The following TMEM131 variants were observed in gnomAD, a reference collection of about 807,000 sequenced individuals.
The protein encoded by TMEM131 is 2610524E03Rik.
A neutral mutation model predicts 211.6 loss-of-function variants in TMEM131; 66 were observed. The observed-to-expected ratio is 0.31, with a 90% CI of 0.26 to 0.38. The LOEUF (loss-of-function observed/expected upper bound fraction) is 0.38. Ranked by LOEUF, TMEM131 falls within the 10% of genes least tolerant of loss-of-function variation. The pLI is 1.00. For synonymous variants in TMEM131, 844 were observed against 841.3 expected (o/e 1.00, Z -0.06); for missense variants, 2,036 against 2,299.3 (o/e 0.89, Z 2.34).
At chr2:97,874,706 C>CA (rs1323957951) in intron 4 of TMEM131, among the ~76,000 whole-genome samples, 1 of 152,198 alleles carries the variant, frequency 6.6e-6, no homozygotes, top group Non-Finnish European at 1.5e-5. Flanking sequence ...GCCTGCCTTA[C>CA]AAGAGCTCCT....
intron 2 of TMEM131, among the ~76,000 whole-genome samples, chr2:97,914,474 C>T (rs1054926603): frequency 9.9e-5 from 15 of 152,182 alleles, no homozygotes; most frequent in African/African-American, 2.9e-4. Context: ...AGTCAAGACA[C>T]AGAACAGTGT....
At chr2:97,799,441 C>T (rs1196671216) in intron 25 of TMEM131, among the ~76,000 whole-genome samples, 2 of 152,202 alleles carry the variant, frequency 1.3e-5, no homozygotes, top group Non-Finnish European at 2.9e-5. Flanking sequence ...TCTCATGGAA[C>T]ACCGTTTATG....
At chr2:97,930,249 C>T (rs891767472) in intron 1 of TMEM131, among the ~76,000 whole-genome samples, 17 of 151,716 alleles carry the variant, frequency 1.1e-4, no homozygotes, top group Non-Finnish European at 2.1e-4. Context: ...CAACTGGAAA[C>T]GAGCTATAGG....
chr2:97,764,922 T>TC (rs1679080757), intron 35 of TMEM131: 2 of 152,246 alleles, frequency 1.3e-5, no homozygotes, highest in African/African-American at 4.8e-5. Context: ...CCAACACGGC[T>TC]CATGTCACCT....
intron 3 of TMEM131, among the ~76,000 whole-genome samples, chr2:97,898,371 C>G (rs1675707209): frequency 6.6e-6 from 1 of 152,110 alleles, no homozygotes; most frequent in Non-Finnish European, 1.5e-5. Flanking sequence ...CCCGCTACCT[C>G]CAAAATTCAC....
intron 1 of TMEM131, among the ~76,000 whole-genome samples, chr2:97,979,113 A>C (rs886233549): frequency 6.6e-6 from 1 of 152,152 alleles, no homozygotes; most frequent in Admixed American, 6.5e-5. Context: ...ATTTTTTCCG[A>C]GCAGTAGGTC....
Position 97,812,657 on chromosome 2 carries a change from T to C in TMEM131, c.1710A>G (p.Ile570Met). ...TEASNILFAIINSNPIELAIK... is the reference protein window; with the variant it reads ...TEASNILFAIMNSNPIELAIK... The stretch of plus-strand genomic sequence containing the variant: ...TTTTTACCTCAATTGGATTGCTGTT[T>C]ATAATTGCAAATAAAATATTACTTG... Residue 570 changes from isoleucine (I) to methionine (M), a missense_variant, in exon 16 of 41, where the codon ATA becomes ATG. Ile to Met is a conservative substitution (Grantham distance 10). Coordinates refer to ENST00000186436, the MANE Select transcript of TMEM131 (RefSeq NM_015348.2). The C allele has an allele frequency of 6.3e-7, 1 of 1,594,084 alleles. No homozygotes were observed. Among genetic ancestry groups the C allele is most frequent in the Non-Finnish European group, 8.5e-7 (1 of 1,173,698 alleles).
intron 18 of TMEM131, 124 bp downstream of exon 18, chr2:97,811,004 T>C (rs1681524175): frequency 2.8e-6 from 2 of 721,076 alleles, no homozygotes; most frequent in South Asian, 3.5e-5. Flanking sequence ...AAGCTCAGTT[T>C]TTAAGGTATG....
At chr2:97,858,112 T>G (rs1196992321) in intron 5 of TMEM131, among the ~76,000 whole-genome samples, 1 of 152,164 alleles carries the variant, frequency 6.6e-6, no homozygotes, top group Non-Finnish European at 1.5e-5. Flanking sequence ...TGAAACAGGA[T>G]TTTAGAGAGG....
intron 3 of TMEM131, among the ~76,000 whole-genome samples, chr2:97,894,817 C>G (rs960956007): frequency 6.6e-6 from 1 of 152,186 alleles, no homozygotes; most frequent in Non-Finnish European, 1.5e-5. Context: ...CATCTGCGAA[C>G]AGAGACAACT....
chr2:97,876,217 A>G (rs1236103101), intron 4 of TMEM131, among the ~76,000 whole-genome samples: 1 of 152,234 alleles, frequency 6.6e-6, no homozygotes, highest in Non-Finnish European at 1.5e-5. Context: ...AGTAATTAAT[A>G]GCCTACCAAC....
chr2:97,764,586 G>C (rs778003928), intron 35 of TMEM131: 1 of 152,332 alleles, frequency 6.6e-6, no homozygotes, highest in Non-Finnish European at 1.5e-5. Flanking sequence ...GTGGAGCTCT[G>C]CCCTGAGGCG....
intron 6 of TMEM131, among the ~76,000 whole-genome samples, chr2:97,842,761 T>C (rs1380461503): frequency 6.6e-6 from 1 of 152,200 alleles, no homozygotes; most frequent in Non-Finnish European, 1.5e-5. Context: ...CCCTCAATAG[T>C]CCAGATTGGC....
chr2:97,772,537 C>T (rs751567038), intron 32 of TMEM131, 113 bp from the exon 33 acceptor site: 33 of 1,214,752 alleles, frequency 2.7e-5, no homozygotes, highest in Middle Eastern at 2.8e-4. Context: ...ACATCATATA[C>T]GTAAAAACAA....
chr2:97,824,074 T>G (rs566491911), intron 11 of TMEM131, among the ~76,000 whole-genome samples: 2 of 152,136 alleles, frequency 1.3e-5, no homozygotes, highest in African/African-American at 2.4e-5. Flanking sequence ...GAAAGAAAAT[T>G]GAGCAGGCCA....
At chr2:97,980,825 T>A (rs556900854) in intron 1 of TMEM131, among the ~76,000 whole-genome samples, 1 of 151,956 alleles carries the variant, frequency 6.6e-6, no homozygotes, top group Non-Finnish European at 1.5e-5. Flanking sequence ...AATCTCAAAT[T>A]ATACACACTA....
intron 1 of TMEM131, among the ~76,000 whole-genome samples, chr2:97,992,334 T>C (rs913922220): frequency 2.8e-4 from 43 of 152,254 alleles, no homozygotes; most frequent in African/African-American, 9.6e-4. Flanking sequence ...TAAATACTTT[T>C]GTACTGTGTT....
intron 2 of TMEM131, among the ~76,000 whole-genome samples, chr2:97,920,149 C>G (rs1250581853): frequency 6.6e-6 from 1 of 152,216 alleles, no homozygotes; most frequent in Non-Finnish European, 1.5e-5. Context: ...GGCCGAGATT[C>G]TGCATCACAG....
At chr2:97,824,876 C>T (rs1028564301) in intron 11 of TMEM131, among the ~76,000 whole-genome samples, 10 of 151,920 alleles carry the variant, frequency 6.6e-5, no homozygotes, top group African/African-American at 7.3e-5. Context: ...GTACAAAAAC[C>T]GAATGGTCAG....
Sources: gnomAD v4.1 joint callset for allele counts (sites outside exome capture counted in the v4.1 genomes callset) on GRCh38, gnomAD v4.1.1 for gene constraint, MANE v1.5 for transcripts, NCBI Gene and HGNC (gene_info 2026-07-23, HGNC 2026-07-21) for gene names.